YME1L1: variants seen among roughly 807,000 people sequenced by gnomAD.
YME1L1 encodes the protein ATP-dependent zinc metalloprotease YME1L1.
Under a neutral mutation model 90.4 loss-of-function variants are expected in YME1L1, and 39 were observed. That is an observed-to-expected ratio of 0.43 (90% CI 0.33 to 0.56). The LOEUF (loss-of-function observed/expected upper bound fraction) is 0.56. Among genes scored for constraint, YME1L1 ranks in the 20% least tolerant of loss-of-function variants. YME1L1 has a pLI of 0.03. For synonymous variants in YME1L1, 284 were observed against 287.3 expected (o/e 0.99, Z 0.12); for missense variants, 617 against 868.4 (o/e 0.71, Z 3.64).
intron 4 of YME1L1, among the ~76,000 whole-genome samples, chr10:27,136,637 G>T (rs573377317): frequency 9.9e-5 from 15 of 152,008 alleles, no homozygotes; most frequent in Non-Finnish European, 1.8e-4. Flanking sequence ...GATTAGGTCT[G>T]AGAACTTAAA....
intron 10 of YME1L1, 66 bp from the exon 11 acceptor site, chr10:27,123,039 A>C: frequency 1.9e-6 from 3 of 1,550,940 alleles, no homozygotes; most frequent in Non-Finnish European, 1.7e-6. Context: ...AAACGAGATA[A>C]ATATTAAAAT....
At chr10:27,148,532 C>T (rs557536088) in intron 2 of YME1L1, among the ~76,000 whole-genome samples, 10 of 152,248 alleles carry the variant, frequency 6.6e-5, no homozygotes, top group Admixed American at 1.3e-4. Flanking sequence ...AAACCAACCC[C>T]TCCTCTTCCT....
intron 10 of YME1L1, 93 bp downstream of exon 10, chr10:27,123,454 A>C: frequency 7.0e-7 from 1 of 1,424,628 alleles, no homozygotes; most frequent in Non-Finnish European, 9.5e-7. Flanking sequence ...AAATTAAAAA[A>C]AGGAAGAAAA....
chr10:27,118,693 G>A (rs537980436), intron 14 of YME1L1, among the ~76,000 whole-genome samples: 137 of 152,102 alleles, frequency 9.0e-4, no homozygotes, highest in Admixed American at 1.5e-3. Context: ...AATTCAAAAG[G>A]GAAAACTTAT....
intron 5 of YME1L1, among the ~76,000 whole-genome samples, chr10:27,135,769 G>C (rs565145408): frequency 5.5e-4 from 84 of 152,018 alleles, no homozygotes; most frequent in African/African-American, 1.8e-3. Context: ...AATATAACTA[G>C]ATCATTATTT....
intron 13 of YME1L1, 83 bp downstream of exon 13, chr10:27,120,352 C>T (rs990896486): frequency 2.9e-5 from 26 of 901,020 alleles, no homozygotes; most frequent in Non-Finnish European, 4.2e-5. Context: ...AATGTTAATA[C>T]ATGTATCATG....
At chr10:27,147,291 C>G in intron 2 of YME1L1, 1 of 823,288 alleles carries the variant, frequency 1.2e-6, no homozygotes, top group Non-Finnish European at 1.9e-6. Flanking sequence ...GCCAGGAGTT[C>G]GAGATCAGCC....
Position 27,153,942 on chromosome 10 carries a change from C to T in YME1L1, c.33+236G>A, listed in dbSNP as rs202116173. 7.2e-3 allele frequency among the ~76,000 whole-genome samples: 913 copies of T among 127,510 alleles called. 39 individuals carry two copies. The East Asian group carries it at 0.2, about 28-fold the overall frequency. 83.7% of individuals were successfully genotyped at this position (127,510 alleles called of 152,430 possible). ...CAATCAGTTCGATAAGCCAGGGTCT[C>T]TCTCTATCACTGAGCTCACATCCCG... On this transcript the variant is annotated intron_variant, in intron 1 of 18. Transcript: ENST00000376016.
At chr10:27,151,957 T>A (rs2057224801) in intron 1 of YME1L1, among the ~76,000 whole-genome samples, 1 of 152,048 alleles carries the variant, frequency 6.6e-6, no homozygotes, top group African/African-American at 2.4e-5. Context: ...GTGAAAGAAT[T>A]TAGTCTAAGA....
chr10:27,148,243 C>T (rs1388050862), intron 2 of YME1L1, among the ~76,000 whole-genome samples: 1 of 151,798 alleles, frequency 6.6e-6, no homozygotes, highest in Admixed American at 6.6e-5. Flanking sequence ...CTTGTTGTCA[C>T]CCAGGCTGGA....
chr10:27,132,158 C>T (rs764835183), intron 7 of YME1L1, among the ~76,000 whole-genome samples: 3 of 152,036 alleles, frequency 2.0e-5, no homozygotes, highest in Non-Finnish European at 2.9e-5. Flanking sequence ...TGGAGTGCAG[C>T]GGCACGATCT....
chr10:27,121,308 T>C (rs887106890), intron 12 of YME1L1, 78 bp downstream of exon 12: 4 of 990,186 alleles, frequency 4.0e-6, no homozygotes, highest in Non-Finnish European at 4.9e-6. Flanking sequence ...GTTGATGTGA[T>C]CTTTTGCAAC....
At position 27,134,905 on chromosome 10, in the gene YME1L1, G is replaced by A. The variant is rs765121672; in HGVS notation, c.617C>T (p.Ala206Val). Reference protein sequence around the residue: ...KLMKTKNIPEAHQDAFKTGFA... With the variant: ...KLMKTKNIPEVHQDAFKTGFA... ...ACCAGTTTTAAATGCATCTTGGTGA[G>A]CTTCAGGTATATTTTTGGTTTTCAT... The change falls in exon 6 of 19, where the codon GCT (alanine) becomes GTT (valine). Residue 206 changes from alanine (A) to valine (V), a missense_variant. Around this residue, in one of 4 missense-constraint regions of YME1L1, gnomAD observed 311 missense variants for 335.8 expected, o/e 0.93. Transcript: ENST00000376016. The A allele has an allele frequency of 6.2e-7, 1 of 1,613,972 alleles. No homozygotes were observed. Among genetic ancestry groups the A allele is most frequent in the South Asian group, 1.1e-5 (1 of 91,080 alleles).
chr10:27,140,906 G>C (rs2057080446), intron 4 of YME1L1, among the ~76,000 whole-genome samples: 3 of 152,112 alleles, frequency 2.0e-5, no homozygotes, highest in Admixed American at 6.6e-5. Flanking sequence ...CATACCCTAG[G>C]TAACACACGC....
chr10:27,154,378 G>A lies in YME1L1; in HGVS notation c.-168C>T, dbSNP rs768361666. 2.4e-5 allele frequency: 18 copies of A among 765,740 alleles called. No individual in the cohort carries two copies. Among genetic ancestry groups the A allele is most frequent in the South Asian group, 3.7e-5 (2 of 54,230 alleles). The allele number at this position is 765,740 out of a possible 1,614,324, so 47.4% of individuals were successfully genotyped here. On this transcript the variant is annotated 5_prime_UTR_variant, in exon 1 of 19. Transcript: ENST00000376016. ...CTCCCCTTCCTACAGCTACTGCAAC[G>A]ACAGACAATCCGCCCCGGAAGGCGA...
intron 2 of YME1L1, chr10:27,146,746 G>A (rs1052961119): frequency 1.1e-4 from 16 of 152,146 alleles, no homozygotes; most frequent in Non-Finnish European, 2.4e-4. Flanking sequence ...TTTAAAAGAG[G>A]CATGGACACG....
chr10:27,134,056 T>C lies in YME1L1; in HGVS notation c.758A>G (p.Lys253Arg). The change falls in exon 7 of 19, where the codon AAA (lysine) becomes AGA (arginine). Residue 253 changes from lysine (K) to arginine (R), a missense_variant. By Grantham distance (26) the Lys-to-Arg change is conservative (BLOSUM62 2). This residue lies in a region of YME1L1 where 311 missense variants were observed against 335.8 expected (regional missense o/e 0.93). Coordinates refer to ENST00000376016, the MANE Select transcript of YME1L1 (RefSeq NM_014263.4). ...GCTTTTACCAGATAAAAATGGGTTT[T>C]TTAGAAGTCCATAAATGCCGAATAG... ...LLLFGIYGLL[K>R]NPFLSVRFRT... is the part of the protein sequence containing the mutation. The C allele has an allele frequency of 6.2e-7, 1 of 1,613,258 alleles. No individual in the cohort carries two copies. The highest frequency in any genetic ancestry group is 8.5e-7 in the Non-Finnish European group (1 of 1,179,740).
intron 1 of YME1L1, 113 bp downstream of exon 1, chr10:27,154,065 G>C (rs985224599): frequency 1.2e-5 from 17 of 1,364,600 alleles, no homozygotes; most frequent in Admixed American, 8.0e-5. Context: ...TTCGCATTGA[G>C]TACATCACTT....
rs869122796 is a variant in YME1L1, at chr10:27,113,219, CAAAAAAAAAAAAAAAAAAAAAAA to C, written c.2008-1122_2008-1100del. 5.6e-3 allele frequency among the ~76,000 whole-genome samples: 240 copies of C among 43,106 alleles called. 4 individuals are homozygous for C. The highest frequency in any genetic ancestry group is 0.018 in the African/African-American group (220 of 12,028). 28.3% of individuals were successfully genotyped at this position (43,106 alleles called of 152,430 possible). On this transcript the variant is annotated intron_variant, in intron 18 of 18. Coordinates refer to ENST00000376016, the MANE Select transcript of YME1L1 (RefSeq NM_014263.4). Reference sequence around the variant, plus strand: ...TGGGTGACAGGGCAAGATGCTGTCTCAAAAAAAAAAAAAAAAAAAAAAAAAAAAAAAAAAAAAAAAAAAAGACC... The same window carrying C: ...TGGGTGACAGGGCAAGATGCTGTCTCAAAAAAAAAAAAAAAAAAAAAGACC...
Sources: gnomAD v4.1 joint callset for allele counts (sites outside exome capture counted in the v4.1 genomes callset) on GRCh38, gnomAD v4.1.1 for gene constraint, gnomAD v4.1.1 regional missense constraint, MANE v1.5 for transcripts, NCBI Gene and HGNC (gene_info 2026-07-23, HGNC 2026-07-21) for gene names.